CXCL13: variants seen among roughly 807,000 people sequenced by gnomAD.
CXCL13 encodes C-X-C motif chemokine 13.
A neutral mutation model predicts 12.2 loss-of-function variants in CXCL13; 7 were observed. The ratio of observed to expected loss-of-function variants is 0.57; its 90% CI spans 0.33 to 1.07. The LOEUF (loss-of-function observed/expected upper bound fraction) is 1.07, where lower values mean the gene tolerates loss of function less well. Among genes scored for constraint, CXCL13 ranks in the 50% least tolerant of loss-of-function variants. The probability of loss-of-function intolerance (pLI) is 0.04; values close to 1 mark genes in which losing one functional copy is unlikely to be tolerated. For synonymous variants in CXCL13, 47 were observed against 42.4 expected, an observed-to-expected ratio of 1.11 and a Z score of -0.42; for missense variants, 113 against 127.4, an observed-to-expected ratio of 0.89 and a Z score of 0.55.
chr4:77,577,275 C>A (rs1025826523), intron 1 of CXCL13, among the ~76,000 whole-genome samples: 4 of 152,202 alleles, frequency 2.6e-5, no homozygotes, highest in Middle Eastern at 6.8e-3. Flanking sequence ...ACAGGTTGTC[C>A]TTTAACCTGC....
intron 1 of CXCL13, among the ~76,000 whole-genome samples, chr4:77,522,375 G>T (rs560191354): frequency 6.6e-6 from 1 of 151,996 alleles, no homozygotes; most frequent in Non-Finnish European, 1.5e-5. Flanking sequence ...CTCCTGTATT[G>T]GGTGCATATA....
chr4:77,566,798 A>T (rs1308157028), intron 1 of CXCL13, among the ~76,000 whole-genome samples: 3 of 152,188 alleles, frequency 2.0e-5, no homozygotes, highest in Non-Finnish European at 2.9e-5. Flanking sequence ...AAACGTAACA[A>T]CACAACCTTA....
chr4:77,514,681 A>C (rs1378112726), intron 1 of CXCL13, among the ~76,000 whole-genome samples: 1 of 150,644 alleles, frequency 6.6e-6, no homozygotes, highest in Admixed American at 6.6e-5. Flanking sequence ...AATTTGTTTG[A>C]GTTCATTGTA....
chr4:77,583,566 C>G (rs1377459471), intron 1 of CXCL13, among the ~76,000 whole-genome samples: 1 of 152,188 alleles, frequency 6.6e-6, no homozygotes, highest in African/African-American at 2.4e-5. Context: ...CAATGTGGGC[C>G]TTCTTGTGCA....
Position 77,554,679 on chromosome 4 carries a change from C to G in CXCL13, c.-43+42891C>G, listed in dbSNP as rs542300120. Among the ~76,000 whole-genome samples, 94 of 152,122 alleles carry G rather than the reference C, an allele frequency of 6.2e-4. 1 individual carries two copies. In the Middle Eastern group the frequency reaches 0.014, roughly 22 times the overall value. ...TTTCAGATGCACATGGAACACTCAT[C>G]AAGGCAACATATATGCAGGATTATA... On this transcript the variant is annotated intron_variant, in intron 1 of 4. Coordinates refer to the CXCL13 transcript ENST00000286758.
chr4:77,548,926 G>C (rs550111659), intron 1 of CXCL13, among the ~76,000 whole-genome samples: 1 of 152,322 alleles, frequency 6.6e-6, no homozygotes, highest in African/African-American at 2.4e-5. Context: ...ATCCTGAAGA[G>C]TGTTTTCCAA....
intron 1 of CXCL13, among the ~76,000 whole-genome samples, chr4:77,544,879 G>A (rs938202568): frequency 6.6e-6 from 1 of 152,248 alleles, no homozygotes; most frequent in Non-Finnish European, 1.5e-5. Flanking sequence ...TATGGTTTTA[G>A]GTCTAACATG....
intron 1 of CXCL13, among the ~76,000 whole-genome samples, chr4:77,548,465 A>G (rs1034903845): frequency 2.6e-5 from 4 of 152,212 alleles, no homozygotes; most frequent in Non-Finnish European, 5.9e-5. Flanking sequence ...ACAGGAGGGG[A>G]AGGCAGTGAA....
chr4:77,559,542 C>T (rs930238529), intron 1 of CXCL13, among the ~76,000 whole-genome samples: 17 of 152,220 alleles, frequency 1.1e-4, no homozygotes, highest in Middle Eastern at 3.4e-3. Context: ...TTACAGCTAT[C>T]GCACAGCAAC....
At chr4:77,545,341 A>T (rs971698542) in intron 1 of CXCL13, among the ~76,000 whole-genome samples, 1 of 152,162 alleles carries the variant, frequency 6.6e-6, no homozygotes, top group African/African-American at 2.4e-5. Flanking sequence ...CTTGGACAGT[A>T]TGGCCATTTT....
chr4:77,517,363 G>A (rs1724450801), intron 1 of CXCL13, among the ~76,000 whole-genome samples: 4 of 152,262 alleles, frequency 2.6e-5, no homozygotes, highest in Middle Eastern at 3.4e-3. Context: ...GGGTATCCTT[G>A]TTGACTTTCT....
chr4:77,520,124 A>G (rs1724551380), intron 1 of CXCL13, among the ~76,000 whole-genome samples: 1 of 152,124 alleles, frequency 6.6e-6, no homozygotes, highest in South Asian at 2.1e-4. Flanking sequence ...GTAGCCTTGT[A>G]GTATAGTTTG....
At chr4:77,561,720 G>A (rs1326207037) in intron 1 of CXCL13, among the ~76,000 whole-genome samples, 1 of 152,212 alleles carries the variant, frequency 6.6e-6, no homozygotes, top group African/African-American at 2.4e-5. Context: ...AGGTGATGGT[G>A]TGCTGGCAGC....
chr4:77,554,380 G>A (rs1725609262), intron 1 of CXCL13, among the ~76,000 whole-genome samples: 1 of 152,174 alleles, frequency 6.6e-6, no homozygotes, highest in South Asian at 2.1e-4. Flanking sequence ...AATGTCTTAT[G>A]ATGATAACAG....
upstream of CXCL13, among the ~76,000 whole-genome samples, chr4:77,603,991 C>A (rs186674719): frequency 2.8e-4 from 43 of 152,298 alleles, no homozygotes; most frequent in African/African-American, 1.0e-3. Flanking sequence ...TGAGCTCAGA[C>A]TTTGTGCTGT....
rs116131720 is a variant in CXCL13, at chr4:77,582,040, G to A, written c.-42-23784G>A. On this transcript the variant is annotated intron_variant, in intron 1 of 4. Transcript: ENST00000286758. ...TTTCCTCAATGCTTTGCCTTTTTTC[G>A]GCCTGGAAAACATAGAAAAAAATGG... 9.2e-3 allele frequency among the ~76,000 whole-genome samples: 1,387 copies of A among 151,406 alleles called. 19 individuals are homozygous for A. The highest frequency in any genetic ancestry group is 0.031 in the African/African-American group (1,295 of 41,228).
chr4:77,567,462 T>G (rs1560528363), intron 1 of CXCL13, among the ~76,000 whole-genome samples: 1 of 152,182 alleles, frequency 6.6e-6, no homozygotes, highest in Non-Finnish European at 1.5e-5. Flanking sequence ...CAAAGTCCAG[T>G]CAGAGACTTT....
chr4:77,512,612 G>A (rs1899471), intron 1 of CXCL13, among the ~76,000 whole-genome samples: 20,982 of 151,960 alleles, frequency 0.14, 1,980 homozygotes, highest in Non-Finnish European at 0.21. Context: ...AGTCATATTG[G>A]ATTAGGGCCC....
intron 1 of CXCL13, among the ~76,000 whole-genome samples, chr4:77,518,871 C>A (rs1439557517): frequency 6.6e-6 from 1 of 152,186 alleles, no homozygotes; most frequent in Non-Finnish European, 1.5e-5. Context: ...AGGTGCTCTG[C>A]TTTTTAGAGT....
Sources: allele counts gnomAD v4.1 joint callset (sites outside exome capture counted in the v4.1 genomes callset), GRCh38; gene constraint gnomAD v4.1.1; transcripts MANE v1.5; gene names NCBI Gene and HGNC (gene_info 2026-07-23, HGNC 2026-07-21).